SMURF2: variants seen among roughly 807,000 people sequenced by gnomAD.
The protein encoded by SMURF2 is E3 ubiquitin-protein ligase SMURF2.
In SMURF2, 48 loss-of-function variants were observed where a neutral mutation model predicts 109.6. The observed-to-expected ratio is 0.44, with a 90% CI of 0.35 to 0.56. The LOEUF (loss-of-function observed/expected upper bound fraction) is 0.56, where lower values mean the gene tolerates loss of function less well. Among genes scored for constraint, SMURF2 ranks in the 20% least tolerant of loss-of-function variants. The pLI is 0.01. For missense variants in SMURF2, 575 were observed against 909.0 expected, an observed-to-expected ratio of 0.63 and a Z score of 4.72; for synonymous variants, 288 against 317.1, an observed-to-expected ratio of 0.91 and a Z score of 0.97.
chr17:64,639,501 C>T (rs1442294907), intron 1 of SMURF2, among the ~76,000 whole-genome samples: 2 of 151,964 alleles, frequency 1.3e-5, no homozygotes, highest in East Asian at 1.9e-4. Context: ...CACTTGAACC[C>T]GGGAGGCGGA....
intron 1 of SMURF2, among the ~76,000 whole-genome samples, chr17:64,623,247 C>CAGCT (rs1970227612): frequency 6.6e-6 from 1 of 152,190 alleles, no homozygotes; most frequent in African/African-American, 2.4e-5. Context: ...ATGAACCCTT[C>CAGCT]AGCTCCTAAG....
chr17:64,557,731 C>T lies in SMURF2; in HGVS notation c.1317-9G>A, dbSNP rs782317422. Reference sequence around the variant, plus strand: ...AGAGATACAACCATTCCCTAGAAAACAAGATATGACCAAGGAATTTTTTTG... The same window carrying T: ...AGAGATACAACCATTCCCTAGAAAATAAGATATGACCAAGGAATTTTTTTG... On this transcript the variant is annotated splice_polypyrimidine_tract_variant and intron_variant, in intron 12 of 18. Transcript: ENST00000262435. 1 of 1,536,128 alleles carries T rather than the reference C, an allele frequency of 6.5e-7. No homozygotes were observed. Among genetic ancestry groups the T allele is most frequent in the Non-Finnish European group, 8.9e-7 (1 of 1,118,776 alleles).
rs181895601 is a variant in SMURF2, at chr17:64,656,245, G to A, written c.52+5584C>T. On this transcript the variant is annotated intron_variant, in intron 1 of 18. Transcript: ENST00000262435. Reference sequence around the variant, plus strand: ...ACACATTTCTACATGTCCAAACAATGAACAATATTAAAAGACAAATAATTC... The same window carrying A: ...ACACATTTCTACATGTCCAAACAATAAACAATATTAAAAGACAAATAATTC... Among the ~76,000 whole-genome samples the A allele has an allele frequency of 3.0e-3, 457 of 152,208 alleles. 1 individual carries two copies. Among genetic ancestry groups the A allele is most frequent in the African/African-American group, 0.011 (438 of 41,532 alleles).
intron 4 of SMURF2, 126 bp downstream of exon 4, chr17:64,593,314 T>C: frequency 1.4e-6 from 1 of 717,712 alleles, no homozygotes; most frequent in Non-Finnish European, 1.9e-6. Context: ...CTCAAATATA[T>C]ATATTATTTT....
chr17:64,617,065 TAAAAAAAAAAAAAAA>T (rs35408397), intron 1 of SMURF2, among the ~76,000 whole-genome samples: 5 of 48,508 alleles, frequency 1.0e-4, no homozygotes, highest in African/African-American at 2.5e-4. Context: ...AGACCTTGTC[TAAAAAAAAAAAAAAA>T]AAAAAAAAAA....
At chr17:64,567,952 C>A (rs1017450930) in intron 10 of SMURF2, among the ~76,000 whole-genome samples, 3 of 149,746 alleles carry the variant, frequency 2.0e-5, no homozygotes, top group Admixed American at 6.7e-5. Flanking sequence ...CTCCCTGGTT[C>A]AAGCAATTCT....
chr17:64,646,070 ATTT>A (rs1276463311), intron 1 of SMURF2, among the ~76,000 whole-genome samples: 1 of 145,326 alleles, frequency 6.9e-6, no homozygotes, highest in African/African-American at 2.5e-5. Context: ...ATTTCTTATA[ATTT>A]TTTTTTTTTT....
chr17:64,639,115 G>A (rs1385320613), intron 1 of SMURF2, among the ~76,000 whole-genome samples: 3 of 152,156 alleles, frequency 2.0e-5, no homozygotes, highest in African/African-American at 7.2e-5. Context: ...TCTTGATCTG[G>A]ATGCTAGTTA....
intron 1 of SMURF2, among the ~76,000 whole-genome samples, chr17:64,650,666 A>C (rs1454352843): frequency 6.6e-6 from 1 of 151,728 alleles, no homozygotes; most frequent in Non-Finnish European, 1.5e-5. Context: ...CCTCATGCCT[A>C]CTAAAAATAC....
rs374457086 is a variant in SMURF2 at position 64,646,293 on chromosome 17, T to C, written c.52+15536A>G. Among the ~76,000 whole-genome samples, 6 of 151,942 alleles carry C rather than the reference T, an allele frequency of 3.9e-5. No homozygotes were observed. In the East Asian group the frequency reaches 1.2e-3, roughly 29 times the overall value. On this transcript the variant is annotated intron_variant, in intron 1 of 18. Transcript: ENST00000262435. ...ATTGGCCAGGCTGGTATTGAACTCCTGACCTCAAGTGATCTGCCCGCCTCA... is the reference window on the plus strand; with the variant it reads ...ATTGGCCAGGCTGGTATTGAACTCCCGACCTCAAGTGATCTGCCCGCCTCA...
At chr17:64,650,651 T>C (rs1970624367) in intron 1 of SMURF2, among the ~76,000 whole-genome samples, 1 of 149,804 alleles carries the variant, frequency 6.7e-6, no homozygotes, top group Non-Finnish European at 1.5e-5. Flanking sequence ...ACCAACATGG[T>C]GAAACCTCAT....
At chr17:64,594,625 T>C (rs1372620777) in intron 3 of SMURF2, among the ~76,000 whole-genome samples, 2 of 152,206 alleles carry the variant, frequency 1.3e-5, no homozygotes, top group Non-Finnish European at 2.9e-5. Flanking sequence ...ATGTATCTAC[T>C]GGCATGTAAT....
At chr17:64,566,508 A>AC (rs1555684961) in intron 10 of SMURF2, among the ~76,000 whole-genome samples, 8 of 151,008 alleles carry the variant, frequency 5.3e-5, no homozygotes, top group African/African-American at 1.9e-4. Flanking sequence ...TTAAGAAGAA[A>AC]AAAACAAAAC....
At chr17:64,655,614 A>G (rs897696075) in intron 1 of SMURF2, among the ~76,000 whole-genome samples, 12 of 151,966 alleles carry the variant, frequency 7.9e-5, no homozygotes, top group Non-Finnish European at 1.8e-4. Flanking sequence ...GAAGAAAAAA[A>G]TAAGACTACC....
At chr17:64,627,666 T>G (rs797024828) in intron 1 of SMURF2, among the ~76,000 whole-genome samples, 8 of 152,320 alleles carry the variant, frequency 5.3e-5, no homozygotes, top group African/African-American at 1.9e-4. Context: ...AATGCAGATG[T>G]AAGCAGGTGA....
chr17:64,581,607 T>C lies in SMURF2; in HGVS notation c.570-616A>G, dbSNP rs1969578984. On this transcript the variant is annotated intron_variant, in intron 7 of 18. Transcript: ENST00000262435. This position sits in a 1 kb window ranked among gnomAD's most constrained non-coding sequence, Gnocchi z 4.3. ...TCTCTTTAAGGGGCTTCCAGTCTAC[T>C]ATTGCAGATCTTTCAAAATAAAAAA... Among the ~76,000 whole-genome samples, 1 of 152,150 alleles carries C rather than the reference T, an allele frequency of 6.6e-6. No individual in the cohort carries two copies. Among genetic ancestry groups the C allele is most frequent in the South Asian group, 2.1e-4 (1 of 4,834 alleles).
intron 7 of SMURF2, among the ~76,000 whole-genome samples, chr17:64,582,459 A>G (rs1039723958): frequency 2.0e-5 from 3 of 152,216 alleles, no homozygotes; most frequent in African/African-American, 7.2e-5. Context: ...ACCTCTTTGC[A>G]GTTCCCAAAA....
chr17:64,553,944 AAAGTTC>A (rs1969081941), intron 15 of SMURF2, among the ~76,000 whole-genome samples: 1 of 152,218 alleles, frequency 6.6e-6, no homozygotes, highest in South Asian at 2.1e-4. Flanking sequence ...CTGTGTACAT[AAAGTTC>A]AAGTTCAAAC....
At chr17:64,555,385 C>T (rs541913031) in intron 14 of SMURF2, among the ~76,000 whole-genome samples, 1 of 152,332 alleles carries the variant, frequency 6.6e-6, no homozygotes, top group Non-Finnish European at 1.5e-5. Flanking sequence ...GCCAGTGTAT[C>T]TTCACAAAAT....
Sources: gnomAD v4.1 joint callset for allele counts (sites outside exome capture counted in the v4.1 genomes callset) on GRCh38, gnomAD v4.1.1 for gene constraint, Gnocchi (gnomAD v3.1) non-coding constraint, MANE v1.5 for transcripts, NCBI Gene and HGNC (gene_info 2026-07-23, HGNC 2026-07-21) for gene names.